Variants in LRRC7 observed in about 807,000 individuals in gnomAD.
LRRC7 encodes leucine rich repeat containing 7, also known as leucine-rich repeat-containing protein 7.
LRRC7 carries 23 observed loss-of-function variants against 175.7 expected under a neutral mutation model. The ratio of observed to expected loss-of-function variants is 0.13; its 90% CI spans 0.09 to 0.19. LRRC7 has a LOEUF of 0.19. LRRC7 is among the 10% of genes least tolerant of loss of function. The pLI, the probability that LRRC7 is intolerant of heterozygous loss-of-function variation, is 1.00. For synonymous variants in LRRC7, 685 were observed against 680.9 expected (o/e 1.01, Z -0.09); for missense variants, 1,354 against 1,904.7 (o/e 0.71, Z 5.38).
At chr1:69,859,092 CAG>C (rs1684063770) in intron 7 of LRRC7, among the ~76,000 whole-genome samples, 1 of 152,058 alleles carries the variant, frequency 6.6e-6, no homozygotes, top group South Asian at 2.1e-4. Context: ...TATTCATAAA[CAG>C]AAATAAATTC....
At chr1:69,730,250 A>C (rs1345372420) in intron 2 of LRRC7, among the ~76,000 whole-genome samples, 1 of 152,200 alleles carries the variant, frequency 6.6e-6, no homozygotes, top group African/African-American at 2.4e-5. Flanking sequence ...AGTATTTGGC[A>C]TCTGGTTACT....
intron 1 of LRRC7, among the ~76,000 whole-genome samples, chr1:69,641,006 A>G (rs978564225): frequency 2.6e-5 from 4 of 151,706 alleles, no homozygotes; most frequent in Admixed American, 2.0e-4. Context: ...GAGGGTCAAT[A>G]AAATATTTTT....
chr1:69,578,664 T>C (rs919972259), intron 1 of LRRC7, among the ~76,000 whole-genome samples: 2 of 151,096 alleles, frequency 1.3e-5, no homozygotes, highest in Non-Finnish European at 2.9e-5. Flanking sequence ...AAATTGGAAA[T>C]CATCATTCTC....
intron 8 of LRRC7, among the ~76,000 whole-genome samples, chr1:69,957,168 C>G (rs565453791): frequency 6.6e-6 from 1 of 151,726 alleles, no homozygotes; most frequent in Non-Finnish European, 1.5e-5. Flanking sequence ...GGTGATGACT[C>G]AGTTTAGCAT....
chr1:69,703,714 G>C (rs540983496), intron 2 of LRRC7, among the ~76,000 whole-genome samples: 2 of 152,006 alleles, frequency 1.3e-5, no homozygotes, highest in African/African-American at 2.4e-5. Context: ...ATGTTTGCCG[G>C]TGTGTGTACA....
Position 70,052,073 on chromosome 1 carries a change from G to A in LRRC7, c.4111-953G>A, listed in dbSNP as rs141068701. 1.8e-3 allele frequency among the ~76,000 whole-genome samples: 275 copies of A among 152,100 alleles called. 4 individuals are homozygous for A. The highest frequency in any genetic ancestry group is 1.3e-3 in the Non-Finnish European group (88 of 67,952). On this transcript the variant is annotated intron_variant, in intron 22 of 26. Coordinates refer to ENST00000651989, the MANE Select transcript of LRRC7 (RefSeq NM_001370785.2). ...TCCTTTAGAACATGTGCAGAAAATG[G>A]CATAGGAAACACTGGAGTATAATAG...
In LRRC7 at chr1:70,134,769, A is replaced by G. The variant is rs547128343; in HGVS notation, c.*12882A>G. Among the ~76,000 whole-genome samples the G allele has an allele frequency of 8.5e-5, 13 of 152,306 alleles. No homozygotes were observed. The highest frequency in any genetic ancestry group is 1.8e-4 in the Non-Finnish European group (12 of 68,006). ...TCAAGCCTGCCAATTTTAGTGCACCATTTTGGGTTTGTTTACCAAGTGTTC... is the reference window on the plus strand; with the variant it reads ...TCAAGCCTGCCAATTTTAGTGCACCGTTTTGGGTTTGTTTACCAAGTGTTC... On this transcript the variant is annotated 3_prime_UTR_variant, in exon 27 of 27. Coordinates refer to ENST00000651989, the MANE Select transcript of LRRC7 (RefSeq NM_001370785.2).
At chr1:70,018,666 C>A in intron 14 of LRRC7, 53 bp from the exon 15 acceptor site, 1 of 1,241,652 alleles carries the variant, frequency 8.1e-7, no homozygotes, top group Non-Finnish European at 1.2e-6. Context: ...AGACTATTGA[C>A]TGTTATATAT....
intron 24 of LRRC7, among the ~76,000 whole-genome samples, chr1:70,081,114 A>G (rs1449423148): frequency 1.3e-5 from 2 of 152,234 alleles, no homozygotes; most frequent in Non-Finnish European, 2.9e-5. Context: ...GACCTGGGCA[A>G]TGAGACTTTT....
At chr1:69,807,970 A>C (rs148513360) in intron 4 of LRRC7, among the ~76,000 whole-genome samples, 1 of 152,050 alleles carries the variant, frequency 6.6e-6, no homozygotes, top group East Asian at 1.9e-4. Context: ...ACATAGTCCC[A>C]TATTTCTTGG....
intron 11 of LRRC7, among the ~76,000 whole-genome samples, chr1:70,004,037 G>A (rs1417368750): frequency 2.6e-5 from 4 of 152,094 alleles, no homozygotes; most frequent in Non-Finnish European, 5.9e-5. Context: ...GAAAAGGAAA[G>A]CAACGGTTTC....
intron 8 of LRRC7, among the ~76,000 whole-genome samples, chr1:69,933,337 A>G (rs776234142): frequency 5.3e-5 from 8 of 152,218 alleles, no homozygotes; most frequent in Non-Finnish European, 1.2e-4. Context: ...AGCTTAATGC[A>G]CCTCAGGAAT....
chr1:69,836,900 A>G (rs553027334), intron 6 of LRRC7, among the ~76,000 whole-genome samples: 4 of 152,012 alleles, frequency 2.6e-5, no homozygotes, highest in African/African-American at 9.6e-5. Context: ...GAAAGGAAAG[A>G]GATCTACATG....
intron 8 of LRRC7, among the ~76,000 whole-genome samples, chr1:69,950,222 C>T (rs1649777001): frequency 6.6e-6 from 1 of 151,916 alleles, no homozygotes; most frequent in South Asian, 2.1e-4. Context: ...GACAGATAGA[C>T]ATATGGATGG....
chr1:69,892,745 T>C (rs1188915577), intron 7 of LRRC7, among the ~76,000 whole-genome samples: 1 of 152,192 alleles, frequency 6.6e-6, no homozygotes, highest in Non-Finnish European at 1.5e-5. Flanking sequence ...GTCATCCTGT[T>C]ACACATGAGA....
chr1:69,941,960 A>G (rs567080819), intron 8 of LRRC7, among the ~76,000 whole-genome samples: 1 of 152,252 alleles, frequency 6.6e-6, no homozygotes, highest in Admixed American at 6.5e-5. Context: ...GCAGAATTTT[A>G]GGACTGTTGT....
rs950598682 is a variant in LRRC7, at chr1:69,757,421, G to T, written c.101-2770G>T. Among the ~76,000 whole-genome samples the T allele has an allele frequency of 1.3e-5, 2 of 151,948 alleles. 1 individual carries two copies. Among genetic ancestry groups the T allele is most frequent in the South Asian group, 4.1e-4 (2 of 4,830 alleles). On this transcript the variant is annotated intron_variant, in intron 2 of 26. Coordinates refer to ENST00000651989, the MANE Select transcript of LRRC7 (RefSeq NM_001370785.2). ...GAGGAGGATTCAATGAAGAGAGACT[G>T]AGCCTCAATAAAGATGTTTATCATG... is the stretch of plus-strand genomic sequence containing the variant.
rs1486606592 is a variant in LRRC7 at position 69,996,925 on chromosome 1, A to G, written c.1004+2292A>G. Among the ~76,000 whole-genome samples, 10 of 152,222 alleles carry G rather than the reference A, an allele frequency of 6.6e-5. No homozygotes were observed. The South Asian group carries it at 1.0e-3, about 16-fold the overall frequency. On this transcript the variant is annotated intron_variant, in intron 11 of 26. Transcript: ENST00000651989. ...ATGAACTTTCAAGTAGTTTTTTCCA[A>G]TTCTGTGAAGAAAGGCATTGGTAGC...
chr1:69,910,169 C>G (rs1013126094), intron 7 of LRRC7, among the ~76,000 whole-genome samples: 10 of 151,748 alleles, frequency 6.6e-5, no homozygotes, highest in Admixed American at 1.3e-4. Flanking sequence ...GTTATCCATT[C>G]TAGTTATCTC....
Sources: allele counts gnomAD v4.1 joint callset (sites outside exome capture counted in the v4.1 genomes callset), GRCh38; gene constraint gnomAD v4.1.1; transcripts MANE v1.5; gene names NCBI Gene and HGNC (gene_info 2026-07-23, HGNC 2026-07-21).